The following ADAMTS2 variants were observed in gnomAD, a reference collection of about 807,000 sequenced individuals.
ADAMTS2 encodes ADAM metallopeptidase with thrombospondin type 1 motif 2.
ADAMTS2 carries 50 observed loss-of-function variants against 123.0 expected under a neutral mutation model. The observed-to-expected ratio is 0.41, with a 90% confidence interval of 0.32 to 0.51. The LOEUF (loss-of-function observed/expected upper bound fraction) is 0.51, where lower values mean the gene tolerates loss of function less well. ADAMTS2 is among the 20% of genes least tolerant of loss of function. The pLI, the probability that ADAMTS2 is intolerant of heterozygous loss-of-function variation, is 0.35. For synonymous variants in ADAMTS2, 678 were observed against 695.4 expected, an observed-to-expected ratio of 0.98 and a Z score of 0.39; for missense variants, 1,494 against 1,705.2, an observed-to-expected ratio of 0.88 and a Z score of 2.18.
intron 2 of ADAMTS2, among the ~76,000 whole-genome samples, chr5:179,325,344 A>G (rs1208526056): frequency 6.6e-6 from 1 of 152,164 alleles, no homozygotes; most frequent in Non-Finnish European, 1.5e-5. Flanking sequence ...CGTGCTTATC[A>G]TGGGCAGCTG....
rs1765344471 is a variant in ADAMTS2, at chr5:179,228,767, C to T, written c.689-21052G>A. ...GGAAGGCTCCTGTGGGGCTCCAGAC[C>T]CGGGGCGGTGCCTTCACCACGGCCT... On this transcript the variant is annotated intron_variant, in intron 3 of 21. Coordinates refer to ENST00000251582, the MANE Select transcript of ADAMTS2 (RefSeq NM_014244.5). This position sits in a 1 kb window ranked among gnomAD's most constrained non-coding sequence, Gnocchi z 5.2. Among the ~76,000 whole-genome samples the T allele has an allele frequency of 6.6e-6, 1 of 152,208 alleles. No individual in the cohort carries two copies. Among genetic ancestry groups the T allele is most frequent in the Non-Finnish European group, 1.5e-5 (1 of 68,022 alleles).
At chr5:179,343,341 AAG>A (rs1436302495) in intron 2 of ADAMTS2, among the ~76,000 whole-genome samples, 7 of 152,246 alleles carry the variant, frequency 4.6e-5, no homozygotes, top group Non-Finnish European at 1.0e-4. Flanking sequence ...ATACGTGCAC[AAG>A]AGACACTGGC....
At chr5:179,304,581 C>G (rs1481843898) in intron 2 of ADAMTS2, among the ~76,000 whole-genome samples, 1 of 152,146 alleles carries the variant, frequency 6.6e-6, no homozygotes, top group Non-Finnish European at 1.5e-5. Context: ...ACTGGATAGG[C>G]TCAAGAGCAG....
intron 5 of ADAMTS2, among the ~76,000 whole-genome samples, chr5:179,169,772 C>T (rs907177558): frequency 1.3e-5 from 2 of 152,236 alleles, no homozygotes; most frequent in African/African-American, 2.4e-5. Context: ...CAGCACCTCT[C>T]TTCTCGTGCT....
At chr5:179,299,288 G>T (rs1215908553) in intron 2 of ADAMTS2, among the ~76,000 whole-genome samples, 14 of 139,710 alleles carry the variant, frequency 1.0e-4, no homozygotes, top group Non-Finnish European at 1.9e-4. Context: ...CCAGCACTTT[G>T]GGAGGCTGAG....
chr5:179,315,281 G>GCACTGAGGCCACAGTTGGCTTCTGGAAAT (rs2113582879), intron 2 of ADAMTS2, among the ~76,000 whole-genome samples: 1 of 152,234 alleles, frequency 6.6e-6, no homozygotes, highest in Non-Finnish European at 1.5e-5. Context: ...CTTCTGGAAA[G>GCACTGAGGCCACAGTTGGCTTCTGGAAAT]CACTGAGGCC....
At chr5:179,283,717 C>A (rs959016393) in intron 2 of ADAMTS2, among the ~76,000 whole-genome samples, 1 of 151,516 alleles carries the variant, frequency 6.6e-6, no homozygotes, top group Admixed American at 6.6e-5. Flanking sequence ...CATGGTGAAA[C>A]CCCATCTGTC....
intron 5 of ADAMTS2, among the ~76,000 whole-genome samples, chr5:179,176,044 T>G (rs1763923572): frequency 6.6e-6 from 1 of 152,160 alleles, no homozygotes; most frequent in Admixed American, 6.5e-5. Flanking sequence ...TTGACCAGCA[T>G]TTTCCAGACT....
intron 3 of ADAMTS2, among the ~76,000 whole-genome samples, chr5:179,243,797 G>A (rs1765720614): frequency 6.6e-6 from 1 of 152,184 alleles, no homozygotes; most frequent in African/African-American, 2.4e-5. Flanking sequence ...TTATGTAAAG[G>A]AGTGATGATG....
At chr5:179,173,902 A>T (rs1763877517) in intron 5 of ADAMTS2, among the ~76,000 whole-genome samples, 1 of 151,938 alleles carries the variant, frequency 6.6e-6, no homozygotes, top group South Asian at 2.1e-4. Context: ...AATCCCAGCT[A>T]CTTGGGAGGC....
chr5:179,200,924 A>G (rs1414015805), intron 4 of ADAMTS2, among the ~76,000 whole-genome samples: 1 of 152,192 alleles, frequency 6.6e-6, no homozygotes, highest in Admixed American at 6.5e-5. Flanking sequence ...TGAATAAAAC[A>G]CCCCCAAATC....
intron 10 of ADAMTS2, among the ~76,000 whole-genome samples, chr5:179,145,828 T>C (rs1188285817): frequency 1.3e-5 from 2 of 152,164 alleles, no homozygotes; most frequent in African/African-American, 2.4e-5. Flanking sequence ...ACACTGAAAA[T>C]CACTGAATTG....
chr5:179,329,367 G>A (rs1757421249), intron 2 of ADAMTS2, among the ~76,000 whole-genome samples: 1 of 149,738 alleles, frequency 6.7e-6, no homozygotes, highest in African/African-American at 2.5e-5. Flanking sequence ...AGAAAGGCCA[G>A]AAATAAACCC....
In ADAMTS2 at chr5:179,180,239, A is replaced by C. The variant is rs1489775498; in HGVS notation, c.975+833T>G. 1.3e-5 allele frequency among the ~76,000 whole-genome samples: 2 copies of C among 152,124 alleles called. No homozygotes were observed. Among genetic ancestry groups the C allele is most frequent in the African/African-American group, 2.4e-5 (1 of 41,422 alleles). ...TGTCTGCACAGCATCCCGTGTTGCC[A>C]TCCCAGGTCACTGTCCCTGGCGGCT... On this transcript the variant is annotated intron_variant, in intron 5 of 21. Coordinates refer to ENST00000251582, the MANE Select transcript of ADAMTS2 (RefSeq NM_014244.5). The surrounding 1 kb of genome is among the most constrained non-coding windows in gnomAD (Gnocchi z 4.6).
chr5:179,273,106 A>T lies in ADAMTS2; in HGVS notation c.535-42T>A, dbSNP rs772081023. On this transcript the variant is annotated intron_variant, in intron 2 of 21. Coordinates refer to ENST00000251582, the MANE Select transcript of ADAMTS2 (RefSeq NM_014244.5). ...ACAGGATCAGATTTCCAGCACACAAAAGACCAAGGAAGGGGAACAGCGAGG... is the reference window on the plus strand; with the variant it reads ...ACAGGATCAGATTTCCAGCACACAATAGACCAAGGAAGGGGAACAGCGAGG... 3.1e-6 allele frequency: 5 copies of T among 1,612,724 alleles called. No individual in the cohort carries two copies. The Admixed American group carries it at 8.3e-5, about 27-fold the overall frequency.
At chr5:179,146,811 T>C (rs1763257627) in intron 10 of ADAMTS2, among the ~76,000 whole-genome samples, 1 of 152,214 alleles carries the variant, frequency 6.6e-6, no homozygotes, top group Non-Finnish European at 1.5e-5. Flanking sequence ...AATTTTTATC[T>C]GAATTTTCTT....
At chr5:179,224,006 A>C (rs2113413190) in intron 3 of ADAMTS2, among the ~76,000 whole-genome samples, 1 of 152,368 alleles carries the variant, frequency 6.6e-6, no homozygotes, top group South Asian at 2.1e-4. Context: ...AAACTTAGTT[A>C]TCCTTATGCT....
At chr5:179,195,096 C>T (rs954759320) in intron 4 of ADAMTS2, among the ~76,000 whole-genome samples, 1 of 152,220 alleles carries the variant, frequency 6.6e-6, no homozygotes, top group Non-Finnish European at 1.5e-5. Flanking sequence ...GGCACCCTTC[C>T]CTGATGAACC....
At chr5:179,264,207 G>C (rs1221644475) in intron 3 of ADAMTS2, among the ~76,000 whole-genome samples, 1 of 152,090 alleles carries the variant, frequency 6.6e-6, no homozygotes, top group Non-Finnish European at 1.5e-5. Context: ...AGAGGCCTCT[G>C]TCTAGGGACC....
Sources: gnomAD v4.1 joint callset for allele counts (sites outside exome capture counted in the v4.1 genomes callset) on GRCh38, gnomAD v4.1.1 for gene constraint, Gnocchi (gnomAD v3.1) non-coding constraint, MANE v1.5 for transcripts, NCBI Gene and HGNC (gene_info 2026-07-23, HGNC 2026-07-21) for gene names.